MED12L: variants seen among roughly 807,000 people sequenced by gnomAD.
MED12L encodes the protein mediator of RNA polymerase II transcription subunit 12-like protein.
In MED12L, 60 loss-of-function variants were observed where a neutral mutation model predicts 281.3. That is an observed-to-expected ratio of 0.21 (90% CI 0.17 to 0.26). The LOEUF (loss-of-function observed/expected upper bound fraction) is 0.26, where lower values mean the gene tolerates loss of function less well. MED12L is among the 10% of genes least tolerant of loss of function. The pLI is 1.00. For missense variants in MED12L, 2,146 were observed against 2,680.9 expected (o/e 0.80, Z 4.41); for synonymous variants, 974 against 987.2 (o/e 0.99, Z 0.25).
At chr3:151,194,723 T>A (rs1256336148) in intron 16 of MED12L, among the ~76,000 whole-genome samples, 1 of 152,168 alleles carries the variant, frequency 6.6e-6, no homozygotes, top group African/African-American at 2.4e-5. Context: ...TGTAACAAAA[T>A]TGGTTTCTTA....
chr3:151,266,995 T>C (rs960482676), intron 16 of MED12L, among the ~76,000 whole-genome samples: 5 of 152,254 alleles, frequency 3.3e-5, no homozygotes, highest in Non-Finnish European at 7.3e-5. Context: ...GGATTTACTT[T>C]ATACATAGTG....
intron 14 of MED12L, 130 bp downstream of exon 14, chr3:151,191,061 A>G (rs961606246): frequency 5.6e-6 from 4 of 716,264 alleles, no homozygotes; most frequent in Non-Finnish European, 9.1e-6. Context: ...GTGGTTGTTT[A>G]TCTCTACTTC....
intron 11 of MED12L, among the ~76,000 whole-genome samples, chr3:151,183,208 G>C (rs1037582281): frequency 2.6e-5 from 4 of 152,134 alleles, no homozygotes; most frequent in Admixed American, 2.6e-4. Context: ...TAAAACCCTA[G>C]TTAACAGTGT....
At chr3:151,238,808 A>G (rs1207809676) in intron 16 of MED12L, among the ~76,000 whole-genome samples, 1 of 152,252 alleles carries the variant, frequency 6.6e-6, no homozygotes, top group Non-Finnish European at 1.5e-5. Context: ...TTAATTATGT[A>G]TAAAGTACAT....
rs1717156266 is a variant in MED12L, at chr3:151,413,235, G to A, written c.6237G>A (p.Leu2079=). Residue 2079 remains leucine (L), a synonymous_variant, in exon 42 of 45, where the codon CTG becomes CTA. Coordinates refer to ENST00000687756, the MANE Select transcript of MED12L (RefSeq NM_001393769.1). ...ATCCAAACCTTCCCTCCGTGCCCCT[G>A]CCTCAGGATCCCATGAGACCCAGAC... The part of the protein sequence containing the change: ...SAHPNLPSVP[L]PQDPMRPRQP... The A allele has an allele frequency of 1.9e-6, 3 of 1,614,170 alleles. No homozygotes were observed. Among genetic ancestry groups the A allele is most frequent in the Non-Finnish European group, 2.5e-6 (3 of 1,180,036 alleles).
chr3:151,154,138 T>C (rs1314418623), intron 5 of MED12L, among the ~76,000 whole-genome samples: 1 of 152,204 alleles, frequency 6.6e-6, no homozygotes, highest in Non-Finnish European at 1.5e-5. Context: ...CTATGTGTTA[T>C]TTTCTATTTT....
chr3:151,235,884 CT>C (rs1222748675), intron 16 of MED12L, among the ~76,000 whole-genome samples: 2 of 152,092 alleles, frequency 1.3e-5, no homozygotes, highest in African/African-American at 4.8e-5. Flanking sequence ...GCCATTCCCC[CT>C]ATGTCGCATT....
intron 16 of MED12L, among the ~76,000 whole-genome samples, chr3:151,324,383 G>T (rs542210201): frequency 6.6e-6 from 1 of 152,070 alleles, no homozygotes; most frequent in Non-Finnish European, 1.5e-5. Flanking sequence ...GAAACGTATC[G>T]TTTTTGTGGG....
intron 32 of MED12L, among the ~76,000 whole-genome samples, chr3:151,382,284 A>G (rs1712517638): frequency 6.6e-6 from 1 of 152,248 alleles, no homozygotes; most frequent in Non-Finnish European, 1.5e-5. Flanking sequence ...CCCTAGAAAT[A>G]TAACAGGACT....
chr3:151,228,017 G>A (rs1577037267), intron 16 of MED12L, among the ~76,000 whole-genome samples: 1 of 152,326 alleles, frequency 6.6e-6, no homozygotes, highest in Non-Finnish European at 1.5e-5. Context: ...TGTTTCAGAT[G>A]ATTTTGATAC....
At chr3:151,419,735 A>G (rs549527402) in intron 43 of MED12L, among the ~76,000 whole-genome samples, 36 of 152,302 alleles carry the variant, frequency 2.4e-4, no homozygotes, top group African/African-American at 8.4e-4. Context: ...ACATAATACA[A>G]CTATCCTTCC....
At chr3:151,101,169 C>T (rs1438296451) in intron 2 of MED12L, among the ~76,000 whole-genome samples, 2 of 152,074 alleles carry the variant, frequency 1.3e-5, no homozygotes, top group Non-Finnish European at 2.9e-5. Flanking sequence ...TTTACCTACC[C>T]ACATAAAACA....
At chr3:151,245,388 G>A (rs1436376222) in intron 16 of MED12L, among the ~76,000 whole-genome samples, 1 of 150,662 alleles carries the variant, frequency 6.6e-6, no homozygotes, top group South Asian at 2.1e-4. Context: ...CTGGCAAACT[G>A]AATCCAGCAG....
chr3:151,135,802 A>G (rs759953518), intron 5 of MED12L, among the ~76,000 whole-genome samples: 2 of 152,212 alleles, frequency 1.3e-5, no homozygotes, highest in African/African-American at 4.8e-5. Context: ...CATGGGTGCT[A>G]TGGGGAACAG....
chr3:151,133,878 A>G (rs560871908), intron 5 of MED12L, among the ~76,000 whole-genome samples: 1 of 152,240 alleles, frequency 6.6e-6, no homozygotes, highest in African/African-American at 2.4e-5. Flanking sequence ...CTTTGAACAG[A>G]TTAGGAAATA....
chr3:151,360,831 T>C (rs539346529), intron 21 of MED12L, among the ~76,000 whole-genome samples: 3 of 152,248 alleles, frequency 2.0e-5, no homozygotes, highest in Admixed American at 6.5e-5. Context: ...AGGTTTTTTT[T>C]CCCCCAATAT....
chr3:151,095,939 C>T (rs1052155230), intron 2 of MED12L, among the ~76,000 whole-genome samples: 7 of 152,188 alleles, frequency 4.6e-5, no homozygotes, highest in African/African-American at 1.7e-4. Flanking sequence ...TATAACTTAA[C>T]TCTGGCCCAA....
At chr3:151,207,287 G>T (rs575483991) in intron 16 of MED12L, among the ~76,000 whole-genome samples, 4 of 152,200 alleles carry the variant, frequency 2.6e-5, no homozygotes, top group African/African-American at 9.6e-5. Context: ...TCAATTACAG[G>T]CTGCCTCCTG....
intron 16 of MED12L, chr3:151,213,251 G>A (rs1727477093): frequency 7.3e-7 from 1 of 1,373,810 alleles, no homozygotes; most frequent in East Asian, 2.3e-5. Flanking sequence ...TTATGTAATT[G>A]AAGATGACAA....
Sources: allele counts gnomAD v4.1 joint callset (sites outside exome capture counted in the v4.1 genomes callset), GRCh38; gene constraint gnomAD v4.1.1; transcripts MANE v1.5; gene names NCBI Gene and HGNC (gene_info 2026-07-23, HGNC 2026-07-21).